The following PDE8B variants were observed in gnomAD, a reference collection of about 807,000 sequenced individuals.
The protein encoded by PDE8B is phosphodiesterase 8B.
In PDE8B, 26 loss-of-function variants were observed where a neutral mutation model predicts 101.3. That is an observed-to-expected ratio of 0.26 (90% CI 0.19 to 0.36). The LOEUF is 0.36. Among genes scored for constraint, PDE8B ranks in the 10% least tolerant of loss-of-function variants. The probability of loss-of-function intolerance (pLI) is 1.00; values close to 1 mark genes in which losing one functional copy is unlikely to be tolerated. For missense variants in PDE8B, 810 were observed against 1,163.1 expected (o/e 0.70, Z 4.42); for synonymous variants, 424 against 429.3 (o/e 0.99, Z 0.15).
At chr5:77,160,757 C>A in the PDE8B span, among the ~76,000 whole-genome samples, 3 of 151,926 alleles carry the variant, frequency 2.0e-5, no homozygotes, top group East Asian at 5.8e-4. Flanking sequence ...CTCAAGTGAT[C>A]CTCCCACCTC....
the PDE8B span, among the ~76,000 whole-genome samples, chr5:77,168,660 T>C: frequency 1.1e-3 from 167 of 152,328 alleles, no homozygotes; most frequent in Middle Eastern, 3.4e-3. Context: ...GGCATGTGTG[T>C]TCAGCAAGTG....
chr5:77,247,111 C>T (rs1757108314), intron 1 of PDE8B, among the ~76,000 whole-genome samples: 1 of 152,214 alleles, frequency 6.6e-6, no homozygotes, highest in Non-Finnish European at 1.5e-5. Flanking sequence ...TTCCTCTAGG[C>T]TTCATACAAC....
intron 1 of PDE8B, among the ~76,000 whole-genome samples, chr5:77,216,999 T>C (rs1048109547): frequency 2.0e-5 from 3 of 152,204 alleles, no homozygotes; most frequent in African/African-American, 7.2e-5. Context: ...TTGATGATTG[T>C]CTAAAATAAT....
At chr5:77,227,832 G>A (rs114992603) in intron 1 of PDE8B, among the ~76,000 whole-genome samples, 2,376 of 152,318 alleles carry the variant, frequency 0.016, 29 homozygotes, top group Non-Finnish European at 0.024. Flanking sequence ...AGAATACAAA[G>A]TTGAGTAGGA....
chr5:77,388,932 C>T (rs1789315756), intron 10 of PDE8B, among the ~76,000 whole-genome samples: 2 of 152,264 alleles, frequency 1.3e-5, no homozygotes, highest in Admixed American at 6.5e-5. Context: ...ACGCCAAGCT[C>T]AAGCATCCCA....
intron 1 of PDE8B, among the ~76,000 whole-genome samples, chr5:77,245,717 T>G (rs1756726009): frequency 6.6e-6 from 1 of 152,136 alleles, no homozygotes; most frequent in Admixed American, 6.5e-5. Flanking sequence ...TTATCCTCAT[T>G]TTAAAGAAAA....
chr5:77,318,539 T>C (rs576607871), intron 2 of PDE8B, among the ~76,000 whole-genome samples: 1 of 152,326 alleles, frequency 6.6e-6, no homozygotes, highest in East Asian at 1.9e-4. Flanking sequence ...ATAGGGATAA[T>C]GCCCAACTCC....
chr5:77,403,375 A>G (rs1298270437), intron 11 of PDE8B, among the ~76,000 whole-genome samples: 1 of 152,204 alleles, frequency 6.6e-6, no homozygotes, highest in Non-Finnish European at 1.5e-5. Context: ...GATCAGCAGT[A>G]TGCATCATTT....
chr5:77,111,710 A>G, the PDE8B span, among the ~76,000 whole-genome samples: 1 of 152,200 alleles, frequency 6.6e-6, no homozygotes. Context: ...TGGAGTCCCA[A>G]TTTATTAAGT....
At chr5:77,348,899 C>A (rs1244374369) in intron 7 of PDE8B, among the ~76,000 whole-genome samples, 1 of 152,070 alleles carries the variant, frequency 6.6e-6, no homozygotes, top group Non-Finnish European at 1.5e-5. Context: ...CCAGGCTGGT[C>A]TTGAACTCTT....
intron 1 of PDE8B, chr5:77,290,402 C>T: frequency 7.2e-7 from 1 of 1,395,080 alleles, no homozygotes. Context: ...GCTCTGCTAA[C>T]AACTAGCCAA....
chr5:77,290,765 C>A (rs1215066824), intron 1 of PDE8B: 21 of 1,488,356 alleles, frequency 1.4e-5, no homozygotes, highest in Non-Finnish European at 1.7e-5. Flanking sequence ...TCACGGCATT[C>A]AATTTCCCTG....
the PDE8B span, among the ~76,000 whole-genome samples, chr5:77,128,431 C>G: frequency 6.6e-6 from 1 of 152,170 alleles, no homozygotes; most frequent in Non-Finnish European, 1.5e-5. Flanking sequence ...ACGTGCCATC[C>G]AAAGGGAACC....
the PDE8B span, among the ~76,000 whole-genome samples, chr5:77,124,145 T>G: frequency 1.3e-5 from 2 of 152,080 alleles, no homozygotes; most frequent in Admixed American, 6.5e-5. Flanking sequence ...CAATGTAAAC[T>G]TTACAATATC....
chr5:77,412,957 C>T (rs1794847247), intron 16 of PDE8B, among the ~76,000 whole-genome samples, 154 bp from the exon 17 acceptor site: 1 of 152,058 alleles, frequency 6.6e-6, no homozygotes, highest in Admixed American at 6.5e-5. Context: ...AGGAGAGATC[C>T]TACCTCCTAA....
intron 2 of PDE8B, among the ~76,000 whole-genome samples, chr5:77,324,813 A>G (rs1775754088): frequency 6.6e-6 from 1 of 152,210 alleles, no homozygotes; most frequent in Non-Finnish European, 1.5e-5. Flanking sequence ...AAATATATGT[A>G]TTGTAAATGT....
At chr5:77,108,392 A>G in the PDE8B span, among the ~76,000 whole-genome samples, 2 of 152,196 alleles carry the variant, frequency 1.3e-5, no homozygotes, top group Non-Finnish European at 2.9e-5. Context: ...CTTTAAAAAT[A>G]TATTAATGCA....
At position 77,275,446 on chromosome 5, in the gene PDE8B, T is replaced by A. The variant is rs141929167; in HGVS notation, c.340-36548T>A. On this transcript the variant is annotated intron_variant, in intron 1 of 21. Coordinates refer to ENST00000264917, the MANE Select transcript of PDE8B (RefSeq NM_003719.5). The stretch of plus-strand genomic sequence containing the variant: ...CCCTTTGGTCTCATTAATTAATTTA[T>A]TTTTGTCTTTTAAGAGAACAGTTTT... Among the ~76,000 whole-genome samples the A allele has an allele frequency of 4.1e-3, 629 of 152,338 alleles. 6 individuals are homozygous for A. Among genetic ancestry groups the A allele is most frequent in the African/African-American group, 0.014 (592 of 41,584 alleles).
In PDE8B at chr5:77,380,747, A is replaced by G. The variant is rs554270596; in HGVS notation, c.1168-19501A>G. 2.0e-5 allele frequency among the ~76,000 whole-genome samples: 3 copies of G among 152,362 alleles called. No homozygotes were observed. The South Asian group carries it at 6.2e-4, about 32-fold the overall frequency. On this transcript the variant is annotated intron_variant, in intron 10 of 21. Coordinates refer to ENST00000264917, the MANE Select transcript of PDE8B (RefSeq NM_003719.5). ...GCCTACACAGAACTTATAGATAGAC[A>G]TTATTCAAATAAGTACTGATTTATG...
Sources: gnomAD v4.1 joint callset for allele counts (sites outside exome capture counted in the v4.1 genomes callset) on GRCh38, gnomAD v4.1.1 for gene constraint, MANE v1.5 for transcripts, NCBI Gene and HGNC (gene_info 2026-07-23, HGNC 2026-07-21) for gene names.